Variants in CAMK2B observed in about 807,000 individuals in gnomAD.
CAMK2B encodes the protein calcium/calmodulin-dependent protein kinase type II subunit beta.
CAMK2B carries 27 observed loss-of-function variants against 93.7 expected under a neutral mutation model. The observed-to-expected ratio is 0.29, with a 90% CI of 0.21 to 0.40. The LOEUF is 0.40. Among genes scored for constraint, CAMK2B ranks in the 10% least tolerant of loss-of-function variants. The pLI, the probability that CAMK2B is intolerant of heterozygous loss-of-function variation, is 1.00. For missense variants in CAMK2B, 568 were observed against 895.8 expected (o/e 0.63, Z 4.67); for synonymous variants, 374 against 358.8 (o/e 1.04, Z -0.48).
At chr7:44,231,426 G>T (rs1190900428) in intron 16 of CAMK2B, among the ~76,000 whole-genome samples, 2 of 152,336 alleles carry the variant, frequency 1.3e-5, no homozygotes, top group East Asian at 3.9e-4. Context: ...ACACATGAGG[G>T]CTCCACTTCT....
chr7:44,290,629 T>C (rs1254449606), intron 1 of CAMK2B, among the ~76,000 whole-genome samples: 2 of 152,174 alleles, frequency 1.3e-5, no homozygotes, highest in Non-Finnish European at 2.9e-5. Flanking sequence ...CTAAACCAAA[T>C]TGGTATTTAT....
intron 1 of CAMK2B, among the ~76,000 whole-genome samples, chr7:44,319,446 C>T (rs950111331): frequency 1.3e-5 from 2 of 152,136 alleles, no homozygotes; most frequent in African/African-American, 2.4e-5. Context: ...AGATACAAAA[C>T]CTAAACATTG....
At chr7:44,221,438 G>A (rs1186764616) in intron 20 of CAMK2B, among the ~76,000 whole-genome samples, 1 of 149,852 alleles carries the variant, frequency 6.7e-6, no homozygotes, top group Non-Finnish European at 1.5e-5. Context: ...CTCAGAGAAG[G>A]AGCCGTCAGC....
At chr7:44,219,944 C>G (rs576164212) in intron 23 of CAMK2B, 116 bp downstream of exon 23, 1 of 765,324 alleles carries the variant, frequency 1.3e-6, no homozygotes, top group African/African-American at 3.1e-5. Flanking sequence ...AGCTCAGGGA[C>G]TTCCCAGGCA....
intron 6 of CAMK2B, among the ~76,000 whole-genome samples, chr7:44,245,567 G>A (rs368329202): frequency 6.6e-6 from 1 of 152,188 alleles, no homozygotes; most frequent in Non-Finnish European, 1.5e-5. Context: ...GAGAGCCACT[G>A]AGTCCTAGCA....
At chr7:44,256,602 GC>G (rs2096836228) in intron 4 of CAMK2B, among the ~76,000 whole-genome samples, 1 of 152,268 alleles carries the variant, frequency 6.6e-6, no homozygotes, top group Admixed American at 6.5e-5. Flanking sequence ...GGCCTGGCAT[GC>G]CCCAGTGTTG....
intron 1 of CAMK2B, among the ~76,000 whole-genome samples, chr7:44,305,769 G>A (rs760037719): frequency 1.1e-4 from 16 of 152,212 alleles, no homozygotes; most frequent in Admixed American, 5.9e-4. Context: ...TCCATCACTC[G>A]GTCACGCTGG....
chr7:44,314,794 G>A (rs528623948), intron 1 of CAMK2B, among the ~76,000 whole-genome samples: 5 of 152,348 alleles, frequency 3.3e-5, no homozygotes, highest in African/African-American at 1.2e-4. Flanking sequence ...TAGTAAGAGT[G>A]AAATGGCATC....
chr7:44,257,059 G>A (rs745571691), intron 4 of CAMK2B, among the ~76,000 whole-genome samples: 9 of 152,192 alleles, frequency 5.9e-5, no homozygotes, highest in Non-Finnish European at 1.2e-4. Context: ...TCCTCTGGGC[G>A]TGCAGGTGTG....
chr7:44,241,229 C>A (rs1005738660), intron 11 of CAMK2B, among the ~76,000 whole-genome samples: 2 of 152,314 alleles, frequency 1.3e-5, no homozygotes, highest in Admixed American at 1.3e-4. Context: ...CCGGAGCCAG[C>A]CCTGACCAAA....
chr7:44,258,498 G>C (rs1329277322), intron 4 of CAMK2B, among the ~76,000 whole-genome samples: 1 of 152,254 alleles, frequency 6.6e-6, no homozygotes, highest in Non-Finnish European at 1.5e-5. Flanking sequence ...ACGCCAGCCA[G>C]TGGTGCCCCA....
intron 4 of CAMK2B, among the ~76,000 whole-genome samples, chr7:44,255,689 A>G (rs1329162150): frequency 6.6e-6 from 1 of 151,974 alleles, no homozygotes; most frequent in Non-Finnish European, 1.5e-5. Flanking sequence ...GGTCTTCCTC[A>G]TTTTTGGGCC....
rs1212390219 is a variant in CAMK2B, at chr7:44,221,251, C to T, written c.1598-350G>A. On this transcript the variant is annotated intron_variant, in intron 20 of 23. Coordinates refer to ENST00000395749, the MANE Select transcript of CAMK2B (RefSeq NM_001220.5). ...CCCCACGTGCTGTCCGCCACAGTCT[C>T]CCTCCTGCCCTCCCGTGAGCCAGCC... 2.6e-5 allele frequency among the ~76,000 whole-genome samples: 4 copies of T among 152,230 alleles called. No individual in the cohort carries two copies. In the East Asian group the frequency reaches 7.7e-4, roughly 29 times the overall value.
At chr7:44,300,174 A>G (rs1339486247) in intron 1 of CAMK2B, among the ~76,000 whole-genome samples, 1 of 152,088 alleles carries the variant, frequency 6.6e-6, no homozygotes, top group Non-Finnish European at 1.5e-5. Flanking sequence ...AGATGGGACT[A>G]CAGGCATGTG....
In CAMK2B at chr7:44,311,065, TTTTA is replaced by T. The variant is rs1463764762; in HGVS notation, c.65+14288_65+14291del. Among the ~76,000 whole-genome samples the T allele has an allele frequency of 6.6e-6, 1 of 152,158 alleles. No homozygotes were observed. The highest frequency in any genetic ancestry group is 1.5e-5 in the Non-Finnish European group (1 of 68,036). On this transcript the variant is annotated intron_variant, in intron 1 of 23. Transcript: ENST00000395749. This position sits in a 1 kb window ranked among gnomAD's most constrained non-coding sequence, Gnocchi z 4.2. The stretch of plus-strand genomic sequence containing the variant: ...TGCAATGCTGTCTTTAAAATCTGGT[TTTTA>T]TTTTTATTATTTTTTTACTTTTTTG...
At chr7:44,241,671 G>A (rs200934070) in intron 11 of CAMK2B, 29 bp downstream of exon 11, 324 of 1,573,590 alleles carry the variant, frequency 2.1e-4, no homozygotes, top group Non-Finnish European at 2.6e-4. Flanking sequence ...AAGCATGGCC[G>A]TGCCTGGGAC....
chr7:44,261,623 G>A (rs1365813579), intron 3 of CAMK2B, among the ~76,000 whole-genome samples: 1 of 152,188 alleles, frequency 6.6e-6, no homozygotes, highest in Non-Finnish European at 1.5e-5. Flanking sequence ...TGGGGAGTCT[G>A]GGCCGTATGC....
chr7:44,241,789 G>A lies in CAMK2B; in HGVS notation c.820-6C>T. 1 of 1,611,716 alleles carries A rather than the reference G, an allele frequency of 6.2e-7. No homozygotes were observed. Among genetic ancestry groups the A allele is most frequent in the Non-Finnish European group, 8.5e-7 (1 of 1,178,264 alleles). On this transcript the variant is annotated splice_polypyrimidine_tract_variant and splice_region_variant and intron_variant, in intron 10 of 23. Transcript: ENST00000395749. ...GATGCTACCGTGGAGCGTTGCTGTG[G>A]GGAAATGGGTGGTCATATGGCAGCC...
At chr7:44,251,525 G>A (rs1302108852) in intron 5 of CAMK2B, among the ~76,000 whole-genome samples, 3 of 152,192 alleles carry the variant, frequency 2.0e-5, no homozygotes, top group South Asian at 2.1e-4. Flanking sequence ...AACCCAGGAG[G>A]GGCTCTCCAG....
Sources: gnomAD v4.1 joint callset for allele counts (sites outside exome capture counted in the v4.1 genomes callset) on GRCh38, gnomAD v4.1.1 for gene constraint, Gnocchi (gnomAD v3.1) non-coding constraint, MANE v1.5 for transcripts, NCBI Gene and HGNC (gene_info 2026-07-23, HGNC 2026-07-21) for gene names.